OVCH2: variants seen among roughly 807,000 people sequenced by gnomAD.
OVCH2 encodes ovochymase 2, also known as ovochymase-2.
In OVCH2, 88 loss-of-function variants were observed where a neutral mutation model predicts 73.7. The observed-to-expected ratio is 1.19, with a 90% CI of 1.01 to 1.43. The LOEUF (loss-of-function observed/expected upper bound fraction) is 1.43. OVCH2 is among the 40% of genes most tolerant of loss of function. The pLI is 0.00. For missense variants in OVCH2, 706 were observed against 674.5 expected, an observed-to-expected ratio of 1.05 and a Z score of -0.52; for synonymous variants, 265 against 234.5, an observed-to-expected ratio of 1.13 and a Z score of -1.19.
chr11:7,687,768 A>G (rs912384695), downstream of OVCH2, among the ~76,000 whole-genome samples: 2 of 152,112 alleles, frequency 1.3e-5, no homozygotes, highest in African/African-American at 4.8e-5. Flanking sequence ...TAAACAAGAA[A>G]TTTATTTCAC....
Position 7,701,395 on chromosome 11 carries a change from G to C in OVCH2, c.640C>G (p.Leu214Val). Residue 214 changes from leucine to valine, a missense_variant, in exon 6 of 16, where the codon CTA (leucine) becomes GTA (valine). Leu to Val is a conservative substitution (Grantham distance 32). Transcript: ENST00000533663. Reference protein sequence around the residue: ...WEECVAALLTLKRPISGKTFL... With the variant: ...WEECVAALLTVKRPISGKTFL... ...GTCTTCCCACTGATGGGCCTCTTTA[G>C]TGTTAACAGAGCTGCCACACACTCT... 1.2e-6 allele frequency: 2 copies of C among 1,613,128 alleles called. No individual in the cohort carries two copies. The highest frequency in any genetic ancestry group is 1.7e-6 in the Non-Finnish European group (2 of 1,179,592).
chr11:7,689,982 CTCTG>C lies in OVCH2; in HGVS notation c.1667_1670del (p.Ser556TrpfsTer26). ...ATGTCTCCAGAAACATTGATTCATC[CTCTG>C]ATATGGAGATGTTTAAATCTGGGTA... is the stretch of plus-strand genomic sequence containing the variant. On this transcript the variant is annotated frameshift_variant, in exon 15 of 16. Coordinates refer to ENST00000533663, the MANE Select transcript of OVCH2 (RefSeq NM_198185.7). LOFTEE classifies it high-confidence loss of function. 6.5e-7 allele frequency: 1 copy of C among 1,526,988 alleles called. No individual in the cohort carries two copies. The highest frequency in any genetic ancestry group is 8.8e-7 in the Non-Finnish European group (1 of 1,138,760). 94.6% of individuals were successfully genotyped at this position (1,526,988 alleles called of 1,614,324 possible).
At chr11:7,701,848 T>C (rs1303642216) in intron 4 of OVCH2, 37 bp from the exon 5 acceptor site, 20 of 1,543,016 alleles carry the variant, frequency 1.3e-5, no homozygotes, top group South Asian at 2.3e-5. Context: ...GTCTCATTCA[T>C]GGAGGAGAGG....
chr11:7,701,314 T>C lies in OVCH2; in HGVS notation c.711+10A>G. On this transcript the variant is annotated intron_variant, in intron 6 of 15. Coordinates refer to ENST00000533663, the MANE Select transcript of OVCH2 (RefSeq NM_198185.7). ...GCCTGGGGCCTGACAGCCCCGCAGC[T>C]CCCACCCACCTGACATGCGTCTCTC... 1 of 1,606,706 alleles carries C rather than the reference T, an allele frequency of 6.2e-7. No homozygotes were observed.
rs1211866433 is a variant in OVCH2 at position 7,698,095 on chromosome 11, A to G, written c.925+655T>C. ...GAATATTTTTCTTTACCCATATTCC[A>G]TTTCCACTTGACAAAATCCTACTCC... On this transcript the variant is annotated intron_variant, in intron 8 of 15. Coordinates refer to ENST00000533663, the MANE Select transcript of OVCH2 (RefSeq NM_198185.7). Among the ~76,000 whole-genome samples, 4 of 152,114 alleles carry G rather than the reference A, an allele frequency of 2.6e-5. No homozygotes were observed. In the East Asian group the frequency reaches 5.8e-4, roughly 22 times the overall value.
intron 3 of OVCH2, 59 bp downstream of exon 3, chr11:7,703,639 G>A (rs1856482775): frequency 7.5e-7 from 1 of 1,342,234 alleles, no homozygotes; most frequent in South Asian, 1.5e-5. Flanking sequence ...TATTGCTGAT[G>A]ATTCCAAGGG....
chr11:7,696,470 G>T lies in OVCH2; in HGVS notation c.1136C>A (p.Pro379His). 4.3e-6 allele frequency: 7 copies of T among 1,613,920 alleles called. No individual in the cohort carries two copies. The highest frequency in any genetic ancestry group is 5.9e-6 in the Non-Finnish European group (7 of 1,179,886). ...YLSMYSLEDR[P>H]IGKFCGESLP... ...CACTGTGAAAATCCACTCACCAATG[G>T]GTCTGTCTTCTAAAGAATACATTGA... Residue 379 changes from proline to histidine, a missense_variant, in exon 10 of 16, where the codon CCC becomes CAC. Coordinates refer to ENST00000533663, the MANE Select transcript of OVCH2 (RefSeq NM_198185.7).
chr11:7,702,403 G>C, intron 3 of OVCH2, 74 bp from the exon 4 acceptor site: 1 of 1,171,512 alleles, frequency 8.5e-7, no homozygotes, highest in South Asian at 1.6e-5. Flanking sequence ...TGACACACTA[G>C]CTTCTTTAAA....
At position 7,706,418 on chromosome 11, in the gene OVCH2, G is replaced by T; in HGVS notation, c.-24C>A. The stretch of plus-strand genomic sequence containing the variant: ...ATTTTGAGACTCATAGTTTTTCCCT[G>T]AAATTTTAGAGAGACTAAAGCAAAC... On this transcript the variant is annotated 5_prime_UTR_variant, in exon 1 of 16. Transcript: ENST00000533663. 6.4e-7 allele frequency: 1 copy of T among 1,550,496 alleles called. No individual in the cohort carries two copies. The highest frequency in any genetic ancestry group is 8.7e-7 in the Non-Finnish European group (1 of 1,147,394).
In OVCH2 at chr11:7,701,330, T is replaced by C. The variant is rs756170155; in HGVS notation, c.705A>G (p.Ala235=). ...CTGFPDGGRD[A]CQGDSGGSLM... The stretch of plus-strand genomic sequence containing the variant: ...CCCCGCAGCTCCCACCCACCTGACA[T>C]GCGTCTCTCCCTCCATCAGGAAAAC... The change falls in exon 6 of 16, where the codon GCA becomes GCG. Residue 235 remains alanine, a synonymous_variant. Transcript: ENST00000533663. The C allele has an allele frequency of 5.0e-6, 8 of 1,611,534 alleles. No homozygotes were observed. The highest frequency in any genetic ancestry group is 1.3e-5 in the African/African-American group (1 of 74,932).
At chr11:7,698,680 G>A in intron 8 of OVCH2, 70 bp downstream of exon 8, 4 of 1,524,144 alleles carry the variant, frequency 2.6e-6, no homozygotes, top group African/African-American at 1.4e-5. Context: ...GAAGACTTCA[G>A]GAACTGATAT....
intron 12 of OVCH2, among the ~76,000 whole-genome samples, chr11:7,694,294 A>G (rs916851208): frequency 1.3e-5 from 2 of 152,184 alleles, no homozygotes; most frequent in Non-Finnish European, 2.9e-5. Context: ...ACAACTAACC[A>G]CACACTGCTA....
chr11:7,682,792 C>G, the OVCH2 span, among the ~76,000 whole-genome samples: 3 of 152,178 alleles, frequency 2.0e-5, no homozygotes, highest in Non-Finnish European at 4.4e-5. Context: ...TCTTGACTTC[C>G]TTATCCCCAT....
downstream of OVCH2, among the ~76,000 whole-genome samples, chr11:7,685,605 T>C (rs978026876): frequency 3.9e-5 from 6 of 152,210 alleles, no homozygotes; most frequent in Non-Finnish European, 5.9e-5. Context: ...TAACTCTAAT[T>C]TGATGTTTCC....
chr11:7,684,450 C>T (rs1268032939), downstream of OVCH2, among the ~76,000 whole-genome samples: 1 of 150,766 alleles, frequency 6.6e-6, no homozygotes, highest in Non-Finnish European at 1.5e-5. Flanking sequence ...GCCTGGGATG[C>T]CAGCTGCCTG....
At chr11:7,694,873 A>C (rs1237836685) in intron 12 of OVCH2, among the ~76,000 whole-genome samples, 185 bp downstream of exon 12, 1 of 141,142 alleles carries the variant, frequency 7.1e-6, no homozygotes, top group Non-Finnish European at 1.5e-5. Flanking sequence ...GTGTAGTTGC[A>C]GGGGAAACTG....
Position 7,695,466 on chromosome 11 carries a change from G to A in OVCH2, c.1282+104C>T. 4 of 1,187,812 alleles carry A rather than the reference G, an allele frequency of 3.4e-6. No individual in the cohort carries two copies. The South Asian group carries it at 6.1e-5, about 18-fold the overall frequency. 73.6% of individuals were successfully genotyped at this position (1,187,812 alleles called of 1,614,324 possible). On this transcript the variant is annotated intron_variant, in intron 11 of 15. Coordinates refer to ENST00000533663, the MANE Select transcript of OVCH2 (RefSeq NM_198185.7). The stretch of plus-strand genomic sequence containing the variant: ...TGTGCCCCTCTCCCATGTGGAGTCA[G>A]TTGGGCCTTGGGAGAGGGATCCCTG...
chr11:7,691,066 T>C (rs768609645), intron 14 of OVCH2: 3 of 543,482 alleles, frequency 5.5e-6, no homozygotes, highest in Non-Finnish European at 9.6e-6. Context: ...GATGAAAATG[T>C]ACCTTGAAGG....
Position 7,689,588 on chromosome 11 carries a change from C to T in OVCH2, c.*46G>A. ...GCTTCTGGTGGTTTACTGACAGTCA[C>T]TGGTGCCCCTTGGCCTGTAGATAAT... On this transcript the variant is annotated 3_prime_UTR_variant, in exon 16 of 16. Coordinates refer to ENST00000533663, the MANE Select transcript of OVCH2 (RefSeq NM_198185.7). The T allele has an allele frequency of 4.3e-6, 2 of 467,714 alleles. No individual in the cohort carries two copies. The highest frequency in any genetic ancestry group is 1.5e-5 in the South Asian group (1 of 64,522). 29.0% of individuals were successfully genotyped at this position (467,714 alleles called of 1,614,324 possible). A position where few individuals can be genotyped will look rare whatever the true frequency, so the allele number is the denominator to read the frequency against.
Sources: gnomAD v4.1 joint callset for allele counts (sites outside exome capture counted in the v4.1 genomes callset) on GRCh38, gnomAD v4.1.1 for gene constraint, MANE v1.5 for transcripts, NCBI Gene and HGNC (gene_info 2026-07-23, HGNC 2026-07-21) for gene names.